The following STPG1 variants were observed in gnomAD, a reference collection of about 807,000 sequenced individuals.
STPG1 encodes O(6)-methylguanine-induced apoptosis 2.
A neutral mutation model predicts 40.1 loss-of-function variants in STPG1; 33 were observed. The observed-to-expected ratio is 0.82, with a 90% CI of 0.62 to 1.10. The LOEUF is 1.10. Among genes scored for constraint, STPG1 ranks in the 50% least tolerant of loss-of-function variants. The pLI is 0.00. For synonymous variants in STPG1, 150 were observed against 155.0 expected (o/e 0.97, Z 0.24); for missense variants, 396 against 415.1 (o/e 0.95, Z 0.40).
In STPG1 at chr1:24,375,215, C is replaced by T. The variant is rs191764887; in HGVS notation, c.463-1405G>A. 1.2e-3 allele frequency among the ~76,000 whole-genome samples: 190 copies of T among 152,302 alleles called. 1 individual carries two copies. Among genetic ancestry groups the T allele is most frequent in the African/African-American group, 4.2e-3 (176 of 41,548 alleles). On this transcript the variant is annotated intron_variant, in intron 5 of 8. Transcript: ENST00000337248. Reference sequence around the variant, plus strand: ...GGAAAAAAACCCTGAGATCATTCTTCTGTTACACGTGAATCATAAATATTT... The same window carrying T: ...GGAAAAAAACCCTGAGATCATTCTTTTGTTACACGTGAATCATAAATATTT...
At chr1:24,364,177 T>C (rs766651546) in intron 7 of STPG1, 1 of 1,489,678 alleles carries the variant, frequency 6.7e-7, no homozygotes, top group South Asian at 1.3e-5. Context: ...GTTCTCACTT[T>C]CTTCCAGGGA....
At chr1:24,361,093 G>A in intron 7 of STPG1, 52 bp from the exon 8 acceptor site, 2 of 1,503,488 alleles carry the variant, frequency 1.3e-6, no homozygotes, top group Non-Finnish European at 1.8e-6. Flanking sequence ...TAGTGGGGAA[G>A]GCACAGTTTC....
At chr1:24,364,991 C>T (rs944924620) in intron 7 of STPG1, among the ~76,000 whole-genome samples, 3 of 152,178 alleles carry the variant, frequency 2.0e-5, no homozygotes, top group Admixed American at 1.3e-4. Flanking sequence ...CACATTCACT[C>T]GCCTCAGGGA....
In STPG1 at chr1:24,361,018, G is replaced by A; in HGVS notation, c.761C>T (p.Ser254Phe). 1 of 1,611,744 alleles carries A rather than the reference G, an allele frequency of 6.2e-7. No individual in the cohort carries two copies. The highest frequency in any genetic ancestry group is 8.5e-7 in the Non-Finnish European group (1 of 1,178,968). ...LFPKNPILNF[S>F]AQPSPLPPKP... ...CGGAGGCAGAGGCGAAGGCTGAGCA[G>A]AGAAGTTCAGGATGGGGTTTTTCCT... Residue 254 changes from serine to phenylalanine, a missense_variant, in exon 8 of 9, where the codon TCT becomes TTT. Physicochemically the swap from Ser to Phe is radical, Grantham distance 155. Coordinates refer to ENST00000337248, the MANE Select transcript of STPG1 (RefSeq NM_001199013.2).
chr1:24,398,274 A>T (rs572353205), intron 2 of STPG1, among the ~76,000 whole-genome samples: 2 of 152,104 alleles, frequency 1.3e-5, no homozygotes, highest in South Asian at 4.1e-4. Flanking sequence ...GCTTTTCATA[A>T]GATCTAATAT....
At chr1:24,367,251 G>T (rs1465479295) in intron 7 of STPG1, among the ~76,000 whole-genome samples, 1 of 152,196 alleles carries the variant, frequency 6.6e-6, no homozygotes, top group Non-Finnish European at 1.5e-5. Flanking sequence ...AGAGTCTGCT[G>T]ACTGACAAAT....
chr1:24,378,516 T>A (rs141535120), intron 5 of STPG1, among the ~76,000 whole-genome samples: 131 of 152,222 alleles, frequency 8.6e-4, no homozygotes, highest in African/African-American at 3.1e-3. Flanking sequence ...GTGCCTGTAG[T>A]CCCAGCAACT....
chr1:24,400,069 C>T (rs898994866), intron 2 of STPG1, among the ~76,000 whole-genome samples: 1 of 152,162 alleles, frequency 6.6e-6, no homozygotes, highest in Non-Finnish European at 1.5e-5. Context: ...AAGACAAGTA[C>T]AAGAATAGTT....
At chr1:24,373,085 C>T (rs2148688871) in intron 6 of STPG1, among the ~76,000 whole-genome samples, 1 of 152,248 alleles carries the variant, frequency 6.6e-6, no homozygotes, top group African/African-American at 2.4e-5. Flanking sequence ...TTGTGTCTGC[C>T]ATTTACTGGC....
chr1:24,360,969 AC>A lies in STPG1; in HGVS notation c.809del (p.Gly270ValfsTer9). On this transcript the variant is annotated frameshift_variant, in exon 8 of 9. Transcript: ENST00000337248. LOFTEE classifies it high-confidence loss of function. ...LPPKPPFPGP[G>X]QYEIVDYLGP... is the part of the protein sequence containing the mutation. ...CTAAGTAGTCCACGATCTCATACTG[AC>A]CAGGACCTGGGAAAGGTGGCTTCGG... 6.2e-7 allele frequency: 1 copy of A among 1,613,908 alleles called. No individual in the cohort carries two copies. Among genetic ancestry groups the A allele is most frequent in the Non-Finnish European group, 8.5e-7 (1 of 1,179,908 alleles).
intron 3 of STPG1, among the ~76,000 whole-genome samples, chr1:24,384,604 C>T (rs1358111908): frequency 6.6e-6 from 1 of 152,206 alleles, no homozygotes; most frequent in African/African-American, 2.4e-5. Flanking sequence ...AGTGAGAGGT[C>T]ACTTCCAAGT....
chr1:24,391,446 G>T (rs1348523741), intron 3 of STPG1, 115 bp downstream of exon 3: 2 of 621,328 alleles, frequency 3.2e-6, no homozygotes, highest in Non-Finnish European at 5.5e-6. Flanking sequence ...CGGCTCCTGG[G>T]AGCACACTGC....
chr1:24,363,714 CAG>C (rs1402816186), intron 7 of STPG1, among the ~76,000 whole-genome samples: 1 of 152,182 alleles, frequency 6.6e-6, no homozygotes, highest in Non-Finnish European at 1.5e-5. Flanking sequence ...GAGAAAGAGA[CAG>C]AGACAGAGGG....
At chr1:24,381,333 T>C (rs996890701) in intron 4 of STPG1, among the ~76,000 whole-genome samples, 1 of 152,236 alleles carries the variant, frequency 6.6e-6, no homozygotes, top group African/African-American at 2.4e-5. Flanking sequence ...TAAAGTATCG[T>C]AATAGAATTA....
At chr1:24,386,755 A>T (rs184798388) in intron 3 of STPG1, among the ~76,000 whole-genome samples, 2 of 152,322 alleles carry the variant, frequency 1.3e-5, no homozygotes, top group East Asian at 1.9e-4. Flanking sequence ...TCTCAGAGCA[A>T]ATCCCAGAGA....
At chr1:24,406,212 C>T (rs1041713681) in intron 1 of STPG1, among the ~76,000 whole-genome samples, 7 of 151,928 alleles carry the variant, frequency 4.6e-5, no homozygotes, top group Non-Finnish European at 1.5e-5. Context: ...ATTAGCTATA[C>T]TTATGTATAG....
intron 1 of STPG1, among the ~76,000 whole-genome samples, chr1:24,403,660 C>G (rs1018344974): frequency 6.6e-6 from 1 of 152,028 alleles, no homozygotes; most frequent in Non-Finnish European, 1.5e-5. Flanking sequence ...TATCAGTGTA[C>G]AAATATTGCA....
At chr1:24,387,947 C>T (rs1002799277) in intron 3 of STPG1, among the ~76,000 whole-genome samples, 1 of 152,188 alleles carries the variant, frequency 6.6e-6, no homozygotes, top group East Asian at 1.9e-4. Context: ...AATAAGTGAA[C>T]AATATTAACT....
chr1:24,370,286 G>A (rs1385066731), intron 6 of STPG1, among the ~76,000 whole-genome samples: 4 of 151,198 alleles, frequency 2.6e-5, no homozygotes, highest in Non-Finnish European at 2.9e-5. Context: ...CATAGTGGAT[G>A]CTTTGTAAAT....
Sources: allele counts gnomAD v4.1 joint callset (sites outside exome capture counted in the v4.1 genomes callset), GRCh38; gene constraint gnomAD v4.1.1; transcripts MANE v1.5; gene names NCBI Gene and HGNC (gene_info 2026-07-23, HGNC 2026-07-21).